The following CIRSR variants were observed in gnomAD, a reference collection of about 807,000 sequenced individuals.
CIRSR encodes the protein CBF1 (RBPJ) interacting corepressor 1.
chr2:174,372,686 G>A, the CIRSR span, among the ~76,000 whole-genome samples: 7 of 151,948 alleles, frequency 4.6e-5, no homozygotes, highest in Non-Finnish European at 8.8e-5. Flanking sequence ...AGGTTTGAGC[G>A]ATTCTCGTGC....
the CIRSR span, among the ~76,000 whole-genome samples, chr2:174,349,694 C>G: frequency 4.0e-5 from 6 of 151,366 alleles, no homozygotes; most frequent in African/African-American, 1.5e-4. Flanking sequence ...TTAAATGCAT[C>G]AAGCCAATTT....
the CIRSR span, among the ~76,000 whole-genome samples, chr2:174,352,228 T>C: frequency 1.5e-3 from 211 of 136,640 alleles, no homozygotes; most frequent in Non-Finnish European, 2.1e-3. Flanking sequence ...CACACACACA[T>C]ACACACACAC....
the CIRSR span, among the ~76,000 whole-genome samples, chr2:174,375,249 G>GAT: frequency 2.0e-5 from 3 of 152,094 alleles, no homozygotes; most frequent in Non-Finnish European, 2.9e-5. Flanking sequence ...TCAGGCTTTT[G>GAT]ATATATATCA....
chr2:174,348,523 G>A, the CIRSR span: 1 of 1,613,270 alleles, frequency 6.2e-7, no homozygotes, highest in South Asian at 1.1e-5. Context: ...ACTTTAGTAT[G>A]TGTACCTCCT....
At chr2:174,382,768 TAA>T in the CIRSR span, among the ~76,000 whole-genome samples, 2 of 151,948 alleles carry the variant, frequency 1.3e-5, no homozygotes, top group African/African-American at 4.8e-5. Flanking sequence ...GAGCTCTGTT[TAA>T]AAAAAGATAC....
At chr2:174,375,335 C>T in the CIRSR span, among the ~76,000 whole-genome samples, 12 of 152,142 alleles carry the variant, frequency 7.9e-5, no homozygotes, top group Admixed American at 3.3e-4. Flanking sequence ...TGGCTGGGCA[C>T]GGTATATCAC....
the CIRSR span, among the ~76,000 whole-genome samples, chr2:174,375,065 A>G: frequency 6.6e-6 from 1 of 152,250 alleles, no homozygotes; most frequent in Admixed American, 6.5e-5. Flanking sequence ...CTGGCACAGA[A>G]AAAGTGCTCC....
the CIRSR span, among the ~76,000 whole-genome samples, chr2:174,390,720 C>T: frequency 1.3e-5 from 2 of 152,110 alleles, no homozygotes; most frequent in African/African-American, 4.8e-5. Context: ...TGGGAGGTAA[C>T]TGAATAAAAG....
chr2:174,395,507 G>T, the CIRSR span: 59 of 1,577,278 alleles, frequency 3.7e-5, no homozygotes, highest in Admixed American at 9.7e-4. Context: ...CTCTGGGAAG[G>T]CGGTCCCTGT....
chr2:174,366,128 C>A, the CIRSR span, among the ~76,000 whole-genome samples: 2 of 151,858 alleles, frequency 1.3e-5, no homozygotes, highest in Non-Finnish European at 2.9e-5. Context: ...GAGGAAGGAA[C>A]CAGTGGGCTT....
chr2:174,357,249 A>T, the CIRSR span, among the ~76,000 whole-genome samples: 1 of 152,158 alleles, frequency 6.6e-6, no homozygotes, highest in African/African-American at 2.4e-5. Flanking sequence ...TCTAGCTCTT[A>T]TATTTCCTAT....
the CIRSR span, chr2:174,348,090 T>C: frequency 6.2e-6 from 1 of 162,176 alleles, no homozygotes; most frequent in East Asian, 1.8e-4. Context: ...TACAATTCAC[T>C]TCAAGCAAAT....
At chr2:174,387,860 TA>T in the CIRSR span, 1 of 1,251,660 alleles carries the variant, frequency 8.0e-7, no homozygotes, top group South Asian at 1.5e-5. Context: ...TAATAAAATA[TA>T]AAATGCAATT....
the CIRSR span, chr2:174,380,948 TTTC>T: frequency 2.0e-4 from 140 of 683,344 alleles, 1 homozygote; most frequent in East Asian, 3.8e-3. Context: ...TTTGACTTTT[TTTC>T]TTCTTTCACA....
At chr2:174,382,442 C>G in the CIRSR span, among the ~76,000 whole-genome samples, 1 of 152,128 alleles carries the variant, frequency 6.6e-6, no homozygotes, top group Admixed American at 6.5e-5. Context: ...AGTTTGAGAC[C>G]AGCCTGGTCA....
At chr2:174,394,729 CTCGT>C in the CIRSR span, among the ~76,000 whole-genome samples, 1 of 152,134 alleles carries the variant, frequency 6.6e-6, no homozygotes, top group East Asian at 1.9e-4. Flanking sequence ...ATCACCTCAA[CTCGT>C]TCTAAAAACA....
chr2:174,375,985 G>T, the CIRSR span, among the ~76,000 whole-genome samples: 1 of 152,114 alleles, frequency 6.6e-6, no homozygotes, highest in Admixed American at 6.5e-5. Flanking sequence ...AGCCTCTCAA[G>T]TAGCTGTGAC....
At chr2:174,353,403 T>A in the CIRSR span, among the ~76,000 whole-genome samples, 1 of 152,194 alleles carries the variant, frequency 6.6e-6, no homozygotes, top group African/African-American at 2.4e-5. Context: ...TAAATAAAAT[T>A]GAATTTTAAA....
the CIRSR span, among the ~76,000 whole-genome samples, chr2:174,372,307 G>A: frequency 6.6e-6 from 1 of 152,216 alleles, no homozygotes; most frequent in East Asian, 1.9e-4. Context: ...GAAATTAAAA[G>A]TCGCAAGTAA....
Sources: allele counts gnomAD v4.1 joint callset (sites outside exome capture counted in the v4.1 genomes callset), GRCh38; gene constraint gnomAD v4.1.1; transcripts MANE v1.5; gene names NCBI Gene and HGNC (gene_info 2026-07-23, HGNC 2026-07-21).